CFAP263: variants seen among roughly 807,000 people sequenced by gnomAD.
CFAP263 encodes the protein cilia- and flagella-associated protein 263.
chr16:58,252,823 A>G, the CFAP263 span: 1 of 1,613,848 alleles, frequency 6.2e-7, no homozygotes, highest in South Asian at 1.1e-5. Context: ...GATTATCAGA[A>G]ATTAAAATAT....
chr16:58,261,299 G>GA, the CFAP263 span, among the ~76,000 whole-genome samples: 2 of 152,162 alleles, frequency 1.3e-5, no homozygotes, highest in African/African-American at 4.8e-5. Context: ...TTCAGCGCAA[G>GA]AAAAAATTCT....
chr16:58,261,940 T>A, the CFAP263 span, among the ~76,000 whole-genome samples: 3 of 152,320 alleles, frequency 2.0e-5, no homozygotes, highest in East Asian at 1.9e-4. Context: ...GGGTTTTTCA[T>A]GTTAAAAACA....
the CFAP263 span, chr16:58,282,500 C>T: frequency 6.6e-6 from 1 of 152,372 alleles, no homozygotes; most frequent in Non-Finnish European, 1.5e-5. Flanking sequence ...AGATGAAGAC[C>T]AGTGGGAAAA....
At chr16:58,275,990 G>C in the CFAP263 span, among the ~76,000 whole-genome samples, 1 of 152,132 alleles carries the variant, frequency 6.6e-6, no homozygotes, top group Non-Finnish European at 1.5e-5. Context: ...AAAAATGAAA[G>C]TTTTTTGCAT....
chr16:58,261,877 T>G, the CFAP263 span, among the ~76,000 whole-genome samples: 1 of 152,188 alleles, frequency 6.6e-6, no homozygotes, highest in Non-Finnish European at 1.5e-5. Context: ...TGCACTGCAG[T>G]GCAGAAATAT....
At chr16:58,270,276 A>G in the CFAP263 span, among the ~76,000 whole-genome samples, 1 of 152,184 alleles carries the variant, frequency 6.6e-6, no homozygotes, top group South Asian at 2.1e-4. Context: ...AGCCTAGCCT[A>G]TCTTAAATAT....
At chr16:58,267,666 C>G in the CFAP263 span, 1 of 821,700 alleles carries the variant, frequency 1.2e-6, no homozygotes, top group Admixed American at 2.3e-5. Flanking sequence ...CCACCAAGAT[C>G]TAAGCCACCT....
chr16:58,256,875 A>G, the CFAP263 span, among the ~76,000 whole-genome samples: 2 of 152,112 alleles, frequency 1.3e-5, no homozygotes, highest in Non-Finnish European at 2.9e-5. Context: ...AAGGCAATCT[A>G]TGTTGTAGAA....
At chr16:58,255,679 C>T in the CFAP263 span, among the ~76,000 whole-genome samples, 2 of 151,968 alleles carry the variant, frequency 1.3e-5, no homozygotes, top group East Asian at 3.9e-4. Flanking sequence ...CTGCCTCAGC[C>T]TCCCGAGTAG....
At chr16:58,259,720 A>AC in the CFAP263 span, 1 of 556,212 alleles carries the variant, frequency 1.8e-6, no homozygotes, top group East Asian at 3.1e-5. Flanking sequence ...GTAGAAGTAA[A>AC]AGGACCTAAA....
the CFAP263 span, chr16:58,278,787 G>A: frequency 2.9e-6 from 2 of 691,614 alleles, no homozygotes; most frequent in South Asian, 2.2e-5. Context: ...AAACCAAGAC[G>A]AAGGATGATT....
the CFAP263 span, chr16:58,283,613 T>G: frequency 2.0e-5 from 3 of 152,196 alleles, no homozygotes; most frequent in Admixed American, 2.0e-4. Context: ...GTATGATACT[T>G]GTTTGACGGA....
At chr16:58,271,268 T>G in the CFAP263 span, among the ~76,000 whole-genome samples, 1 of 152,184 alleles carries the variant, frequency 6.6e-6, no homozygotes, top group Admixed American at 6.5e-5. Flanking sequence ...CCTTTATTTT[T>G]CAAAAATAAA....
At chr16:58,263,595 C>T in the CFAP263 span, among the ~76,000 whole-genome samples, 2 of 152,116 alleles carry the variant, frequency 1.3e-5, no homozygotes, top group Non-Finnish European at 2.9e-5. Flanking sequence ...TTGGCCCACA[C>T]AGTTTAAAAA....
the CFAP263 span, among the ~76,000 whole-genome samples, chr16:58,266,160 C>T: frequency 0.58 from 88,611 of 151,504 alleles, 26,984 homozygotes; most frequent in African/African-American, 0.75. Flanking sequence ...GAAGTTCCCC[C>T]AGGCAGGTGG....
the CFAP263 span, among the ~76,000 whole-genome samples, chr16:58,278,209 C>G: frequency 6.6e-6 from 1 of 150,944 alleles, no homozygotes; most frequent in Non-Finnish European, 1.5e-5. Context: ...ACAACATATT[C>G]CTTAATAAAG....
chr16:58,276,288 CTG>C, the CFAP263 span, among the ~76,000 whole-genome samples: 3 of 152,268 alleles, frequency 2.0e-5, no homozygotes, highest in East Asian at 5.8e-4. Flanking sequence ...GTCGATAAAA[CTG>C]TAGTGAGAGA....
chr16:58,252,863 G>A, the CFAP263 span: 1 of 1,613,158 alleles, frequency 6.2e-7, no homozygotes, highest in Non-Finnish European at 8.5e-7. Flanking sequence ...GGTACACAAT[G>A]GAGATCTAGA....
chr16:58,280,360 A>T, the CFAP263 span: 1 of 1,614,192 alleles, frequency 6.2e-7, no homozygotes, highest in Non-Finnish European at 8.5e-7. Flanking sequence ...TAAGGGTTGT[A>T]CAGACGCCTC....
Sources: gnomAD v4.1 joint callset for allele counts (sites outside exome capture counted in the v4.1 genomes callset) on GRCh38, gnomAD v4.1.1 for gene constraint, MANE v1.5 for transcripts, NCBI Gene and HGNC (gene_info 2026-07-23, HGNC 2026-07-21) for gene names.